Variants in G3BP2 observed in about 807,000 individuals in gnomAD.
G3BP2 encodes G3BP stress granule assembly factor 2, also known as ras GTPase-activating protein-binding protein 2.
Under a neutral mutation model 56.7 loss-of-function variants are expected in G3BP2, and 11 were observed. The observed-to-expected ratio is 0.19, with a 90% CI of 0.12 to 0.32. G3BP2 has a LOEUF of 0.32. G3BP2 is among the 10% of genes least tolerant of loss of function. The pLI, the probability that G3BP2 is intolerant of heterozygous loss-of-function variation, is 1.00. For synonymous variants in G3BP2, 165 were observed against 191.6 expected, an observed-to-expected ratio of 0.86 and a Z score of 1.15; for missense variants, 340 against 610.9, an observed-to-expected ratio of 0.56 and a Z score of 4.67.
intron 3 of G3BP2, among the ~76,000 whole-genome samples, chr4:75,691,271 C>T (rs564039391): frequency 3.8e-4 from 58 of 152,110 alleles, no homozygotes; most frequent in African/African-American, 1.3e-3. Context: ...GTAGAGACCG[C>T]ATTTTGCCAT....
At chr4:75,664,677 A>T (rs1732857167) in intron 1 of G3BP2, among the ~76,000 whole-genome samples, 1 of 152,050 alleles carries the variant, frequency 6.6e-6, no homozygotes, top group Non-Finnish European at 1.5e-5. Context: ...GTGAAACCCC[A>T]TCTCTACTAA....
At chr4:75,701,723 C>A (rs1288140281) in intron 3 of G3BP2, among the ~76,000 whole-genome samples, 1 of 152,192 alleles carries the variant, frequency 6.6e-6, no homozygotes, top group Non-Finnish European at 1.5e-5. Flanking sequence ...CTGCTGTGCC[C>A]AGCCTGTTTT....
rs1433898037 is a variant in G3BP2 at position 75,643,860 on chromosome 4, T to A, written c.*1570A>T. On this transcript the variant is annotated 3_prime_UTR_variant, in exon 12 of 12. Coordinates refer to ENST00000359707, the MANE Select transcript of G3BP2 (RefSeq NM_203505.3). ...GTACTGACTGCTCCAAGCATAAAAT[T>A]GGATAAGCTTTGCCATACTTGTGGT... 1 of 152,628 alleles carries A rather than the reference T, an allele frequency of 6.6e-6. No homozygotes were observed. Among genetic ancestry groups the A allele is most frequent in the African/African-American group, 2.4e-5 (1 of 41,444 alleles). 9.5% of individuals were successfully genotyped at this position (152,628 alleles called of 1,614,324 possible).
chr4:75,703,008 C>T lies in G3BP2; in HGVS notation c.-25+17869G>A, dbSNP rs115985508. Reference sequence around the variant, plus strand: ...GGGAGGAGTCGAGGCTCCTAAACTCCCTCAGCTGAAGGACACTCCTTAAAA... The same window carrying T: ...GGGAGGAGTCGAGGCTCCTAAACTCTCTCAGCTGAAGGACACTCCTTAAAA... On this transcript the variant is annotated intron_variant, in intron 3 of 3. Transcript: ENST00000499709. Among the ~76,000 whole-genome samples the T allele has an allele frequency of 2.9e-3, 442 of 152,288 alleles. 4 individuals carry two copies. The highest frequency in any genetic ancestry group is 0.01 in the African/African-American group (420 of 41,548).
chr4:75,648,507 C>T (rs1303400297), intron 9 of G3BP2, 132 bp downstream of exon 9: 6 of 478,328 alleles, frequency 1.3e-5, no homozygotes, highest in Non-Finnish European at 2.3e-5. Context: ...GCAGGTTGCT[C>T]ACATCACATC....
At chr4:75,658,214 T>C (rs552788581) in intron 3 of G3BP2, among the ~76,000 whole-genome samples, 1 of 152,318 alleles carries the variant, frequency 6.6e-6, no homozygotes, top group South Asian at 2.1e-4. Context: ...CTTAATACAC[T>C]GTCTCAACTA....
chr4:75,724,186 A>C (rs964005368), intron 1 of G3BP2: 1 of 152,820 alleles, frequency 6.5e-6, no homozygotes, highest in Non-Finnish European at 1.5e-5. Flanking sequence ...CCTGTAAAGA[A>C]ATGCAATTTA....
Position 75,642,843 on chromosome 4 carries a change from C to G in G3BP2, c.*2587G>C, listed in dbSNP as rs1388028997. 6.6e-6 allele frequency: 1 copy of G among 152,460 alleles called. No individual in the cohort carries two copies. The highest frequency in any genetic ancestry group is 1.5e-5 in the Non-Finnish European group (1 of 67,988). 9.4% of individuals were successfully genotyped at this position (152,460 alleles called of 1,614,324 possible). ...AGTCCAAACACATTCAATATGGAAA[C>G]TCAAAGAATACTTTCCACCTGAAAC... On this transcript the variant is annotated 3_prime_UTR_variant, in exon 12 of 12. Transcript: ENST00000359707.
chr4:75,659,462 TTTC>T (rs1433520854), intron 2 of G3BP2, among the ~76,000 whole-genome samples: 1 of 152,222 alleles, frequency 6.6e-6, no homozygotes, highest in Non-Finnish European at 1.5e-5. Context: ...CAGCATCTAA[TTTC>T]TTTTTAATAT....
chr4:75,712,267 G>T (rs868594564), intron 3 of G3BP2, among the ~76,000 whole-genome samples: 2 of 151,796 alleles, frequency 1.3e-5, no homozygotes, highest in Non-Finnish European at 2.9e-5. Context: ...TTTTTCCTGT[G>T]TAAATATTTT....
chr4:75,655,292 G>A, intron 6 of G3BP2, 46 bp from the exon 7 acceptor site: 1 of 1,394,974 alleles, frequency 7.2e-7, no homozygotes, highest in African/African-American at 1.4e-5. Context: ...GTTCAAGTAA[G>A]AAAAAATTCA....
intron 3 of G3BP2, among the ~76,000 whole-genome samples, chr4:75,711,288 C>T (rs1719746145): frequency 6.6e-6 from 1 of 150,392 alleles, no homozygotes. Flanking sequence ...CACTGCACTC[C>T]AGCCTGGGCG....
chr4:75,694,483 A>G (rs1719016215), intron 3 of G3BP2, among the ~76,000 whole-genome samples: 1 of 152,246 alleles, frequency 6.6e-6, no homozygotes, highest in Non-Finnish European at 1.5e-5. Flanking sequence ...GGGCGCCTGT[A>G]GTCCCAGCTG....
rs530001737 is a variant in G3BP2, at chr4:75,651,730, T to C, written c.825+2253A>G. On this transcript the variant is annotated intron_variant, in intron 8 of 11. Coordinates refer to ENST00000359707, the MANE Select transcript of G3BP2 (RefSeq NM_203505.3). ...CATGCAACCAGAAAGTATGATCAAA[T>C]GACAAACCCACAAATGAAGGTCAAA... is the stretch of plus-strand genomic sequence containing the variant. Among the ~76,000 whole-genome samples the C allele has an allele frequency of 2.6e-5, 4 of 152,220 alleles. 1 individual carries two copies. The highest frequency in any genetic ancestry group is 9.6e-5 in the African/African-American group (4 of 41,536).
chr4:75,674,718 A>ATATATATATATATATATATTTTTT (rs1241041465), upstream of G3BP2, among the ~76,000 whole-genome samples: 2 of 71,418 alleles, frequency 2.8e-5, no homozygotes, highest in African/African-American at 1.2e-4. Flanking sequence ...ATATATATAT[A>ATATATATATATATATATATTTTTT]TTTTTTTTTT....
chr4:75,656,479 A>T (rs1732127323), intron 5 of G3BP2, among the ~76,000 whole-genome samples: 1 of 152,206 alleles, frequency 6.6e-6, no homozygotes, highest in Non-Finnish European at 1.5e-5. Context: ...TATTTAATAG[A>T]GCAATAATGA....
chr4:75,705,676 G>T (rs570911428), intron 3 of G3BP2, among the ~76,000 whole-genome samples: 2 of 152,202 alleles, frequency 1.3e-5, no homozygotes, highest in Admixed American at 1.3e-4. Context: ...TGGAAAGGCC[G>T]TCCCTCCAGA....
chr4:75,674,718 A>ATATATATATATATATATATATTTTT (rs1241041465), upstream of G3BP2, among the ~76,000 whole-genome samples: 1 of 71,432 alleles, frequency 1.4e-5, no homozygotes, highest in African/African-American at 5.9e-5. Context: ...ATATATATAT[A>ATATATATATATATATATATATTTTT]TTTTTTTTTT....
At chr4:75,712,985 G>A (rs999824589) in intron 3 of G3BP2, among the ~76,000 whole-genome samples, 1 of 152,066 alleles carries the variant, frequency 6.6e-6, no homozygotes, top group Non-Finnish European at 1.5e-5. Context: ...TACTAGCTAT[G>A]TGACCAAAAG....
Sources: gnomAD v4.1 joint callset for allele counts (sites outside exome capture counted in the v4.1 genomes callset) on GRCh38, gnomAD v4.1.1 for gene constraint, MANE v1.5 for transcripts, NCBI Gene and HGNC (gene_info 2026-07-23, HGNC 2026-07-21) for gene names.